The following EPN2 variants were observed in gnomAD, a reference collection of about 807,000 sequenced individuals.
The protein encoded by EPN2 is epsin-2.
In EPN2, 34 loss-of-function variants were observed where a neutral mutation model predicts 61.7. The ratio of observed to expected loss-of-function variants is 0.55; its 90% CI spans 0.42 to 0.73. The LOEUF (loss-of-function observed/expected upper bound fraction) is 0.73. Among genes scored for constraint, EPN2 ranks in the 30% least tolerant of loss-of-function variants. The probability of loss-of-function intolerance (pLI) is 0.00; values close to 1 mark genes in which losing one functional copy is unlikely to be tolerated. For missense variants in EPN2, 714 were observed against 839.2 expected, an observed-to-expected ratio of 0.85 and a Z score of 1.84; for synonymous variants, 349 against 353.6, an observed-to-expected ratio of 0.99 and a Z score of 0.15.
chr17:19,253,892 T>G (rs549156245), intron 1 of EPN2, among the ~76,000 whole-genome samples: 11 of 152,282 alleles, frequency 7.2e-5, no homozygotes, highest in African/African-American at 2.6e-4. Context: ...ACCAGCACTT[T>G]GGGAGACTGA....
At chr17:19,300,885 C>T (rs1373326720) in intron 4 of EPN2, among the ~76,000 whole-genome samples, 1 of 152,178 alleles carries the variant, frequency 6.6e-6, no homozygotes, top group Non-Finnish European at 1.5e-5. Flanking sequence ...AGTAACAAAA[C>T]GGATGGACCC....
At chr17:19,295,680 C>CAA (rs2045513103) in intron 4 of EPN2, among the ~76,000 whole-genome samples, 1 of 152,114 alleles carries the variant, frequency 6.6e-6, no homozygotes. Flanking sequence ...TTTAGTGATA[C>CAA]AAGGCAGTTC....
chr17:19,262,655 T>G (rs2045154615), intron 1 of EPN2, among the ~76,000 whole-genome samples: 1 of 150,438 alleles, frequency 6.6e-6, no homozygotes, highest in African/African-American at 2.4e-5. Context: ...CCCTGGCAAC[T>G]GCAATAAAGT....
At position 19,328,806 on chromosome 17, in the gene EPN2, C is replaced by A. The variant is rs79051171; in HGVS notation, c.1243C>A (p.Gln415Lys). 1 of 1,613,594 alleles carries A rather than the reference C, an allele frequency of 6.2e-7. No individual in the cohort carries two copies. Among genetic ancestry groups the A allele is most frequent in the African/African-American group, 1.3e-5 (1 of 74,928 alleles). ...GAACTCGGACCCCTGGGCAGCTTCA[C>A]AGCAGCCTGCCTCCAGTGCTGGGAA... ...PKNSDPWAASQQPASSAGKRA... is the reference protein window; with the variant it reads ...PKNSDPWAASKQPASSAGKRA... Residue 415 changes from glutamine to lysine, a missense_variant, in exon 8 of 11, where the codon CAG becomes AAG. By Grantham distance (53) the Gln-to-Lys change is moderately conservative. Coordinates refer to ENST00000314728, the MANE Select transcript of EPN2 (RefSeq NM_014964.5).
intron 1 of EPN2, among the ~76,000 whole-genome samples, chr17:19,251,567 G>T (rs1247784986): frequency 6.6e-6 from 1 of 152,126 alleles, no homozygotes; most frequent in Non-Finnish European, 1.5e-5. Flanking sequence ...CTGAGTAGCT[G>T]GGATTAGAGG....
At chr17:19,320,527 A>C (rs927607988) in intron 7 of EPN2, among the ~76,000 whole-genome samples, 7 of 152,252 alleles carry the variant, frequency 4.6e-5, no homozygotes, top group Admixed American at 4.6e-4. Context: ...TGCCCATTTG[A>C]GTCATCTCAG....
intron 1 of EPN2, among the ~76,000 whole-genome samples, chr17:19,261,430 T>G (rs1360028360): frequency 1.3e-5 from 2 of 152,270 alleles, no homozygotes; most frequent in Admixed American, 6.5e-5. Context: ...TATTGGTTTT[T>G]TCTCAATTTC....
chr17:19,308,428 T>C, intron 4 of EPN2: 1 of 985,452 alleles, frequency 1.0e-6, no homozygotes, highest in Non-Finnish European at 1.2e-6. Flanking sequence ...TCTGTAGTTG[T>C]CCATCTGTCG....
At chr17:19,328,524 A>C (rs1027820694) in intron 7 of EPN2, among the ~76,000 whole-genome samples, 187 bp from the exon 8 acceptor site, 1 of 152,116 alleles carries the variant, frequency 6.6e-6, no homozygotes, top group African/African-American at 2.4e-5. Context: ...CTTCCTTACC[A>C]GGGTTGTTGG....
intron 1 of EPN2, among the ~76,000 whole-genome samples, chr17:19,250,311 G>T (rs1352468649): frequency 6.6e-6 from 1 of 152,032 alleles, no homozygotes; most frequent in Admixed American, 6.5e-5. Context: ...GGCCAGGCTG[G>T]TGTCGAACCC....
rs946229421 is a variant in EPN2, at chr17:19,334,301, G to T, written c.*47G>T. On this transcript the variant is annotated 3_prime_UTR_variant, in exon 11 of 11. Transcript: ENST00000314728. The surrounding 1 kb of genome is among the most constrained non-coding windows in gnomAD (Gnocchi z 4.9). ...CAGAGCACCTGTGCTGGAGGATGCC[G>T]AGCAGGGACTCTCGTCTGTGGGACG... 5.2e-6 allele frequency: 7 copies of T among 1,352,140 alleles called. No homozygotes were observed. Among genetic ancestry groups the T allele is most frequent in the Admixed American group, 3.4e-5 (1 of 29,360 alleles). 83.8% of individuals were successfully genotyped at this position (1,352,140 alleles called of 1,614,324 possible).
In EPN2 at chr17:19,245,448, C is replaced by T. The variant is rs1171475044; in HGVS notation, c.-294+7917C>T. 9.8e-5 allele frequency among the ~76,000 whole-genome samples: 14 copies of T among 142,700 alleles called. No individual in the cohort carries two copies. The South Asian group carries it at 2.4e-3, about 25-fold the overall frequency. The allele number at this position is 142,700 out of a possible 152,430, so 93.6% of individuals were successfully genotyped here. ...TTTTTTTTTTTTTGAGTTGGAGTCTCTGTTGCCAGGCTGGAGTGCAGTGGC... is the reference window on the plus strand; with the variant it reads ...TTTTTTTTTTTTTGAGTTGGAGTCTTTGTTGCCAGGCTGGAGTGCAGTGGC... On this transcript the variant is annotated intron_variant, in intron 1 of 10. Coordinates refer to ENST00000314728, the MANE Select transcript of EPN2 (RefSeq NM_014964.5).
intron 7 of EPN2, among the ~76,000 whole-genome samples, chr17:19,327,874 G>A (rs190737281): frequency 2.2e-4 from 33 of 152,304 alleles, no homozygotes; most frequent in Admixed American, 8.5e-4. Context: ...TGGTCCCTGA[G>A]AGGCGGCAGT....
In EPN2 at chr17:19,283,037, A is replaced by G; in HGVS notation, c.-83A>G. The G allele has an allele frequency of 1.1e-6, 1 of 946,472 alleles. No individual in the cohort carries two copies. Among genetic ancestry groups the G allele is most frequent in the South Asian group, 1.7e-5 (1 of 57,272 alleles). 58.6% of individuals were successfully genotyped at this position (946,472 alleles called of 1,614,324 possible). A position where few individuals can be genotyped will look rare whatever the true frequency, so the allele number is the denominator to read the frequency against. On this transcript the variant is annotated 5_prime_UTR_variant, in exon 3 of 11. Transcript: ENST00000314728. The surrounding 1 kb of genome is among the most constrained non-coding windows in gnomAD (Gnocchi z 7.0). ...TACTCCAGCTTGATTACGGAGACTG[A>G]ACCTTCATAGGGTGCGCACTTACCA...
intron 1 of EPN2, among the ~76,000 whole-genome samples, chr17:19,276,891 G>A (rs1028914454): frequency 3.3e-5 from 5 of 151,148 alleles, no homozygotes; most frequent in African/African-American, 1.2e-4. Context: ...TGGTGTAGAG[G>A]TTCATAAGAA....
intron 1 of EPN2, among the ~76,000 whole-genome samples, chr17:19,279,306 G>A (rs565528530): frequency 6.6e-6 from 1 of 152,316 alleles, no homozygotes; most frequent in East Asian, 1.9e-4. Context: ...TGGGAGCCCT[G>A]GCTGGGCCTC....
chr17:19,329,012 G>C, intron 8 of EPN2, 125 bp downstream of exon 8: 1 of 846,270 alleles, frequency 1.2e-6, no homozygotes, highest in Non-Finnish European at 1.8e-6. Context: ...CTCCCCCTTA[G>C]CCTTTGTTCC....
At chr17:19,312,795 A>C in intron 6 of EPN2, 1 of 314,154 alleles carries the variant, frequency 3.2e-6, no homozygotes, top group Non-Finnish European at 5.9e-6. Context: ...GGCAGGTGGG[A>C]GGGATGGCGT....
intron 4 of EPN2, among the ~76,000 whole-genome samples, chr17:19,286,755 C>T (rs1459331078): frequency 6.6e-6 from 1 of 152,154 alleles, no homozygotes. Context: ...GGATATTTTC[C>T]TTCATGTCCC....
Sources: gnomAD v4.1 joint callset for allele counts (sites outside exome capture counted in the v4.1 genomes callset) on GRCh38, gnomAD v4.1.1 for gene constraint, Gnocchi (gnomAD v3.1) non-coding constraint, MANE v1.5 for transcripts, NCBI Gene and HGNC (gene_info 2026-07-23, HGNC 2026-07-21) for gene names.